The following MECR variants were observed in gnomAD, a reference collection of about 807,000 sequenced individuals.
MECR encodes the protein enoyl-[acyl-carrier-protein] reductase, mitochondrial.
Under a neutral mutation model 49.1 loss-of-function variants are expected in MECR, and 37 were observed. The observed-to-expected ratio is 0.75, with a 90% confidence interval of 0.58 to 0.99. The LOEUF (loss-of-function observed/expected upper bound fraction) is 0.99. Ranked by LOEUF, MECR falls within the 50% of genes least tolerant of loss-of-function variation. The pLI, the probability that MECR is intolerant of heterozygous loss-of-function variation, is 0.00. For missense variants in MECR, 470 were observed against 479.6 expected (o/e 0.98, Z 0.19); for synonymous variants, 198 against 191.1 (o/e 1.04, Z -0.30).
At chr1:29,204,333 C>T (rs1198232936) in intron 4 of MECR, among the ~76,000 whole-genome samples, 1 of 152,076 alleles carries the variant, frequency 6.6e-6, no homozygotes, top group African/African-American at 2.4e-5. Flanking sequence ...TGTCACACAA[C>T]GGGCTGAAAC....
At chr1:29,222,611 G>C (rs1407699375) in intron 1 of MECR, among the ~76,000 whole-genome samples, 1 of 152,174 alleles carries the variant, frequency 6.6e-6, no homozygotes. Flanking sequence ...AGCAGTTTGA[G>C]AAACGATGCT....
At chr1:29,207,960 T>A (rs1181306256) in intron 3 of MECR, among the ~76,000 whole-genome samples, 1 of 151,374 alleles carries the variant, frequency 6.6e-6, no homozygotes, top group East Asian at 1.9e-4. Flanking sequence ...TCCTACACAG[T>A]CCTCATTCTT....
At chr1:29,205,278 G>A (rs1280790945) in intron 4 of MECR, among the ~76,000 whole-genome samples, 4 of 152,072 alleles carry the variant, frequency 2.6e-5, no homozygotes, top group East Asian at 2.0e-4. Context: ...TCCGCCTCCC[G>A]GGTTCAAGCG....
chr1:29,184,799 G>A, the MECR span, among the ~76,000 whole-genome samples: 1 of 151,682 alleles, frequency 6.6e-6, no homozygotes, highest in African/African-American at 2.4e-5. Context: ...TTTTAGAGAT[G>A]GAGTCTCGTT....
At chr1:29,174,887 TG>T in the MECR span, among the ~76,000 whole-genome samples, 2 of 151,210 alleles carry the variant, frequency 1.3e-5, no homozygotes, top group Non-Finnish European at 2.9e-5. Flanking sequence ...TTGGCCAGGA[TG>T]GTCTCAATCT....
chr1:29,195,282 C>T (rs1054739745), intron 9 of MECR, among the ~76,000 whole-genome samples: 1 of 152,160 alleles, frequency 6.6e-6, no homozygotes, highest in African/African-American at 2.4e-5. Flanking sequence ...CCTAGTTGCA[C>T]GTGTGATTTT....
At chr1:29,198,887 G>C (rs1040295238) in intron 7 of MECR, among the ~76,000 whole-genome samples, 2 of 152,150 alleles carry the variant, frequency 1.3e-5, no homozygotes, top group Non-Finnish European at 2.9e-5. Context: ...AAAGTGCTAG[G>C]TTTACAGGCA....
chr1:29,212,861 C>T (rs535210828), intron 3 of MECR, among the ~76,000 whole-genome samples: 1 of 152,354 alleles, frequency 6.6e-6, no homozygotes, highest in East Asian at 1.9e-4. Flanking sequence ...CACTTCTCTC[C>T]CACTCGCACC....
chr1:29,199,673 G>A (rs1188477451), intron 7 of MECR, among the ~76,000 whole-genome samples: 1 of 151,736 alleles, frequency 6.6e-6, no homozygotes, highest in African/African-American at 2.4e-5. Context: ...GGCTGGAGTA[G>A]AGTGGTGTGA....
At chr1:29,229,434 A>G (rs964339072) in intron 1 of MECR, among the ~76,000 whole-genome samples, 1 of 152,084 alleles carries the variant, frequency 6.6e-6, no homozygotes, top group African/African-American at 2.4e-5. Context: ...AGAACTCGTG[A>G]CCTCAGGTGA....
chr1:29,171,136 C>CACGAT, the MECR span: 1 of 152,106 alleles, frequency 6.6e-6, no homozygotes, highest in African/African-American at 2.4e-5. Flanking sequence ...CCTCAGCCAA[C>CACGAT]CACGATAAAG....
chr1:29,203,389 C>T lies in MECR; in HGVS notation c.551-156G>A, dbSNP rs923316708. ...AGTCTTCTCAGACCTTCCACTGTTT[C>T]TCACTGTTCTCCTAATGCCTCCTAA... On this transcript the variant is annotated intron_variant, in intron 4 of 9. Coordinates refer to ENST00000263702, the MANE Select transcript of MECR (RefSeq NM_016011.5). 2.0e-5 allele frequency among the ~76,000 whole-genome samples: 3 copies of T among 152,230 alleles called. No individual in the cohort carries two copies. In the South Asian group the frequency reaches 6.2e-4, roughly 32 times the overall value.
intron 1 of MECR, among the ~76,000 whole-genome samples, chr1:29,221,617 CTT>C (rs1397268816): frequency 1.3e-5 from 2 of 152,126 alleles, no homozygotes; most frequent in East Asian, 3.9e-4. Context: ...GAAGAGAAGT[CTT>C]TGATGGCTCC....
chr1:29,190,803 A>T (rs1439680589), downstream of MECR, among the ~76,000 whole-genome samples: 1 of 151,302 alleles, frequency 6.6e-6, no homozygotes, highest in Non-Finnish European at 1.5e-5. Flanking sequence ...CCAAATAAAA[A>T]AAAAAAAAAA....
At chr1:29,198,658 C>A (rs1254044533) in intron 7 of MECR, among the ~76,000 whole-genome samples, 1 of 152,136 alleles carries the variant, frequency 6.6e-6, no homozygotes, top group Non-Finnish European at 1.5e-5. Flanking sequence ...TCTCTGAAGC[C>A]CAGGCTGGAG....
chr1:29,202,578 T>C (rs1471708369), intron 5 of MECR, among the ~76,000 whole-genome samples: 3 of 152,124 alleles, frequency 2.0e-5, no homozygotes, highest in South Asian at 2.1e-4. Context: ...GACGATATGA[T>C]GGAAAGAGAG....
the MECR span, chr1:29,182,014 G>T: frequency 3.0e-6 from 1 of 328,686 alleles, no homozygotes; most frequent in Non-Finnish European, 5.4e-6. Context: ...GCTTGCCCGG[G>T]GGCGCGCCGA....
intron 7 of MECR, among the ~76,000 whole-genome samples, chr1:29,198,320 C>T (rs568239787): frequency 6.6e-6 from 1 of 152,180 alleles, no homozygotes; most frequent in East Asian, 1.9e-4. Flanking sequence ...GTTTATATAA[C>T]CCCCATTTTA....
chr1:29,175,184 G>A, the MECR span, among the ~76,000 whole-genome samples: 9 of 151,766 alleles, frequency 5.9e-5, no homozygotes, highest in Non-Finnish European at 2.9e-5. Context: ...CACTTTGTGA[G>A]GTAGATCACT....
Sources: gnomAD v4.1 joint callset for allele counts (sites outside exome capture counted in the v4.1 genomes callset) on GRCh38, gnomAD v4.1.1 for gene constraint, MANE v1.5 for transcripts, NCBI Gene and HGNC (gene_info 2026-07-23, HGNC 2026-07-21) for gene names.